Variants in SEMA3F observed in about 807,000 individuals in gnomAD.
SEMA3F encodes the protein semaphorin 3F, also known as semaphorin-3F.
In SEMA3F, 30 loss-of-function variants were observed where a neutral mutation model predicts 98.5. That is an observed-to-expected ratio of 0.30 (90% confidence interval 0.23 to 0.41). SEMA3F has a LOEUF of 0.41. Among genes scored for constraint, SEMA3F ranks in the 10% least tolerant of loss-of-function variants. SEMA3F has a pLI of 1.00. For missense variants in SEMA3F, 866 were observed against 1,119.3 expected (o/e 0.77, Z 3.23); for synonymous variants, 380 against 444.8 (o/e 0.85, Z 1.83).
At chr3:50,183,317 T>G in intron 11 of SEMA3F, 62 bp downstream of exon 11, 1 of 1,606,062 alleles carries the variant, frequency 6.2e-7, no homozygotes, top group South Asian at 1.1e-5. Context: ...TTGTAACTCG[T>G]GGAGAACCCC....
chr3:50,159,749 T>C lies in SEMA3F; in HGVS notation c.112+15T>C, dbSNP rs780391781. On this transcript the variant is annotated intron_variant, in intron 2 of 18. Coordinates refer to ENST00000002829, the MANE Select transcript of SEMA3F (RefSeq NM_004186.5). ...CTCATTCAAAGGTAAGAAGCTGTTT[T>C]GTTCTTCCCCAGAAATCATCCTCTC... is the stretch of plus-strand genomic sequence containing the variant. 16 of 1,528,134 alleles carry C rather than the reference T, an allele frequency of 1.0e-5. No individual in the cohort carries two copies. Among genetic ancestry groups the C allele is most frequent in the Middle Eastern group, 1.7e-4 (1 of 5,900 alleles). 94.7% of individuals were successfully genotyped at this position (1,528,134 alleles called of 1,614,324 possible).
chr3:50,157,169 C>A (rs1393985245), intron 1 of SEMA3F, among the ~76,000 whole-genome samples: 1 of 151,982 alleles, frequency 6.6e-6, no homozygotes, highest in African/African-American at 2.4e-5. Context: ...CCCCCACCCC[C>A]AACTCCAAGC....
intron 6 of SEMA3F, among the ~76,000 whole-genome samples, chr3:50,176,153 C>T (rs1698801455): frequency 6.6e-6 from 1 of 152,190 alleles, no homozygotes; most frequent in Non-Finnish European, 1.5e-5. Flanking sequence ...TCCTTGACTC[C>T]TGGCTCCCTG....
At chr3:50,186,380 G>A (rs1415271841) in intron 17 of SEMA3F, 32 bp downstream of exon 17, 2 of 1,595,968 alleles carry the variant, frequency 1.3e-6, no homozygotes, top group African/African-American at 1.3e-5. Context: ...GTGGGGTGCT[G>A]CTCACACTGC....
At chr3:50,186,218 G>A (rs930359225) in intron 16 of SEMA3F, 63 bp from the exon 17 acceptor site, 3 of 1,558,790 alleles carry the variant, frequency 1.9e-6, no homozygotes, top group Non-Finnish European at 1.8e-6. Context: ...GAGTCAGGGA[G>A]ATACAGGGAC....
chr3:50,168,797 G>A (rs928974481), intron 2 of SEMA3F, among the ~76,000 whole-genome samples: 5 of 152,168 alleles, frequency 3.3e-5, no homozygotes, highest in Admixed American at 6.5e-5. Flanking sequence ...GCCTCTTGCC[G>A]CCACTGCTAC....
chr3:50,159,516 G>A, intron 1 of SEMA3F, 59 bp from the exon 2 acceptor site: 1 of 656,614 alleles, frequency 1.5e-6, no homozygotes, highest in Admixed American at 3.0e-5. Context: ...GTTCACCTTG[G>A]GTAGAAATTG....
chr3:50,188,361 G>A lies in SEMA3F; in HGVS notation c.*246G>A, dbSNP rs139857596. On this transcript the variant is annotated 3_prime_UTR_variant, in exon 19 of 19. Coordinates refer to ENST00000002829, the MANE Select transcript of SEMA3F (RefSeq NM_004186.5). The surrounding 1 kb of genome is among the most constrained non-coding windows in gnomAD (Gnocchi z 4.5). ...CCTAACCAGGCCCAGCCAGTTGGTGGGGCCAGGCCAGGACCACACAGTCCC... is the reference window on the plus strand; with the variant it reads ...CCTAACCAGGCCCAGCCAGTTGGTGAGGCCAGGCCAGGACCACACAGTCCC... The A allele has an allele frequency of 5.9e-4, 95 of 162,286 alleles. No individual in the cohort carries two copies. Among genetic ancestry groups the A allele is most frequent in the Non-Finnish European group, 1.1e-3 (85 of 75,432 alleles). 10.1% of individuals were successfully genotyped at this position (162,286 alleles called of 1,614,324 possible).
intron 2 of SEMA3F, among the ~76,000 whole-genome samples, chr3:50,160,473 C>T (rs1407314824): frequency 3.3e-5 from 5 of 152,194 alleles, no homozygotes; most frequent in East Asian, 3.9e-4. Context: ...TGCACGCACA[C>T]GGTACACACA....
At chr3:50,178,178 G>T (rs534849673) in intron 7 of SEMA3F, among the ~76,000 whole-genome samples, 1 of 152,038 alleles carries the variant, frequency 6.6e-6, no homozygotes, top group Admixed American at 6.5e-5. Flanking sequence ...GGAGGTGGAG[G>T]TTGCAGTGAG....
chr3:50,183,079 G>A (rs1437941532), intron 10 of SEMA3F, 61 bp downstream of exon 10: 1 of 1,574,178 alleles, frequency 6.4e-7, no homozygotes, highest in East Asian at 2.2e-5. Context: ...GAGGCGGGAT[G>A]GGCGATCAGG....
Position 50,182,594 on chromosome 3 carries a change from G to C in SEMA3F, c.764-50G>C. On this transcript the variant is annotated intron_variant, in intron 8 of 18. Transcript: ENST00000002829. This position sits in a 1 kb window ranked among gnomAD's most constrained non-coding sequence, Gnocchi z 4.5. ...CTGGGGATTCTGTTGGAGAACATCAGGGGCACCATCAGAGTAGGGGCTCAC... is the reference window on the plus strand; with the variant it reads ...CTGGGGATTCTGTTGGAGAACATCACGGGCACCATCAGAGTAGGGGCTCAC... 6.3e-7 allele frequency: 1 copy of C among 1,598,884 alleles called. No homozygotes were observed. Among genetic ancestry groups the C allele is most frequent in the Non-Finnish European group, 8.5e-7 (1 of 1,169,628 alleles).
rs927403055 is a variant in SEMA3F at position 50,178,373 on chromosome 3, A to G, written c.643+1512A>G. On this transcript the variant is annotated intron_variant, in intron 7 of 18. Transcript: ENST00000002829. ...AGAGCTCTGATGGAGACCAAGACCAATAAGCAGTAATATTTTGAAAGGAAT... is the reference window on the plus strand; with the variant it reads ...AGAGCTCTGATGGAGACCAAGACCAGTAAGCAGTAATATTTTGAAAGGAAT... 5.3e-5 allele frequency among the ~76,000 whole-genome samples: 8 copies of G among 152,184 alleles called. 1 individual carries two copies. The highest frequency in any genetic ancestry group is 1.9e-4 in the African/African-American group (8 of 41,434).
At chr3:50,177,894 T>C (rs1698873652) in intron 7 of SEMA3F, among the ~76,000 whole-genome samples, 1 of 152,084 alleles carries the variant, frequency 6.6e-6, no homozygotes, top group Admixed American at 6.6e-5. Flanking sequence ...TTTTAAATTA[T>C]ATAAGTTTAC....
chr3:50,184,296 A>T (rs1699127892), intron 12 of SEMA3F: 1 of 458,294 alleles, frequency 2.2e-6, no homozygotes. Flanking sequence ...GAGAGGAAGG[A>T]GATGACAGGG....
At chr3:50,165,507 G>A (rs549317277) in intron 2 of SEMA3F, among the ~76,000 whole-genome samples, 34 of 152,316 alleles carry the variant, frequency 2.2e-4, no homozygotes, top group African/African-American at 7.0e-4. Flanking sequence ...AGCTCCTGCC[G>A]TGTGTCCTAG....
intron 2 of SEMA3F, among the ~76,000 whole-genome samples, chr3:50,167,184 C>G (rs997131953): frequency 6.6e-6 from 1 of 152,188 alleles, no homozygotes; most frequent in African/African-American, 2.4e-5. Context: ...AATGTGTTCT[C>G]ACAGGCAACC....
chr3:50,179,238 G>A (rs993809967), intron 7 of SEMA3F, among the ~76,000 whole-genome samples: 1 of 152,060 alleles, frequency 6.6e-6, no homozygotes, highest in African/African-American at 2.4e-5. Context: ...ACTGTCGTTC[G>A]AAGCTTTGAA....
In SEMA3F at chr3:50,186,363, C is replaced by T. The variant is rs1699213262; in HGVS notation, c.1813+15C>T. The T allele has an allele frequency of 1.2e-6, 2 of 1,611,468 alleles. No individual in the cohort carries two copies. The highest frequency in any genetic ancestry group is 1.7e-5 in the Admixed American group (1 of 59,900). The stretch of plus-strand genomic sequence containing the variant: ...CAACTCCAATGGTGAGTATGCTGGG[C>T]CTCACTGTGGGGTGCTGCTCACACT... On this transcript the variant is annotated intron_variant, in intron 17 of 18. Coordinates refer to ENST00000002829, the MANE Select transcript of SEMA3F (RefSeq NM_004186.5).
Sources: gnomAD v4.1 joint callset for allele counts (sites outside exome capture counted in the v4.1 genomes callset) on GRCh38, gnomAD v4.1.1 for gene constraint, Gnocchi (gnomAD v3.1) non-coding constraint, MANE v1.5 for transcripts, NCBI Gene and HGNC (gene_info 2026-07-23, HGNC 2026-07-21) for gene names.